The following URB1 variants were observed in gnomAD, a reference collection of about 807,000 sequenced individuals.
The protein encoded by URB1 is URB1 ribosome biogenesis factor.
URB1 carries 197 observed loss-of-function variants against 242.3 expected under a neutral mutation model. The observed-to-expected ratio is 0.81, with a 90% CI of 0.72 to 0.91. The LOEUF (loss-of-function observed/expected upper bound fraction) is 0.91. Among genes scored for constraint, URB1 ranks in the 40% least tolerant of loss-of-function variants. The probability of loss-of-function intolerance (pLI) is 0.00; values close to 1 mark genes in which losing one functional copy is unlikely to be tolerated. For synonymous variants in URB1, 1,153 were observed against 1,201.8 expected (o/e 0.96, Z 0.84); for missense variants, 2,721 against 2,860.5 (o/e 0.95, Z 1.11).
rs2032625418 is a variant in URB1 at position 32,313,413 on chromosome 21, A to G, written c.*1505T>C. Reference sequence around the variant, plus strand: ...GCTTTGTTGGAGCAGCGCTTGCCTGAGTCCAGCTTGGATCTAAACGTGGGA... The same window carrying G: ...GCTTTGTTGGAGCAGCGCTTGCCTGGGTCCAGCTTGGATCTAAACGTGGGA... On this transcript the variant is annotated 3_prime_UTR_variant, in exon 39 of 39. Transcript: ENST00000382751. 6.6e-6 allele frequency: 1 copy of G among 152,270 alleles called. No homozygotes were observed. The highest frequency in any genetic ancestry group is 2.4e-5 in the African/African-American group (1 of 41,456). The allele number at this position is 152,270 out of a possible 1,614,324, so 9.4% of individuals were successfully genotyped here.
chr21:32,361,823 C>T, intron 12 of URB1, 69 bp downstream of exon 12: 1 of 1,515,958 alleles, frequency 6.6e-7, no homozygotes, highest in South Asian at 1.3e-5. Flanking sequence ...TAGGAGCTAT[C>T]CTAGGCTGCC....
rs552823052 is a variant in URB1, at chr21:32,374,096, C to T, written c.751-324G>A. Among the ~76,000 whole-genome samples the T allele has an allele frequency of 1.8e-4, 27 of 152,324 alleles. 2 individuals carry two copies. The highest frequency in any genetic ancestry group is 6.0e-4 in the African/African-American group (25 of 41,572). On this transcript the variant is annotated intron_variant, in intron 6 of 38. Transcript: ENST00000382751. The stretch of plus-strand genomic sequence containing the variant: ...ACTTATGAAGCATAAGCCTTTTCCA[C>T]GTCATTAAACATCCCTTTAGAACAT...
chr21:32,344,454 A>G (rs2033062942), intron 24 of URB1, 116 bp downstream of exon 24: 1 of 1,180,182 alleles, frequency 8.5e-7, no homozygotes, highest in Non-Finnish European at 1.2e-6. Context: ...AGCCCCTCTC[A>G]TTTCCTACAG....
intron 5 of URB1, 63 bp from the exon 6 acceptor site, chr21:32,375,546 G>T: frequency 1.0e-6 from 1 of 982,754 alleles, no homozygotes; most frequent in Non-Finnish European, 1.5e-6. Flanking sequence ...ATAGACGAGA[G>T]AATATTACTG....
rs776436752 is a variant in URB1, at chr21:32,324,578, G to C, written c.5146C>G (p.Arg1716Gly). 78 of 1,551,532 alleles carry C rather than the reference G, an allele frequency of 5.0e-5. No individual in the cohort carries two copies. The highest frequency in any genetic ancestry group is 6.7e-5 in the Non-Finnish European group (77 of 1,146,940). Reference protein sequence around the residue: ...SQLLYLLDVVRNGIRTQDMRL... With the variant: ...SQLLYLLDVVGNGIRTQDMRL... ...ATGTCCTGAGTTCGAATCCCATTCC[G>C]GACTACATCCAACAGGTAAAGTAGC... is the stretch of plus-strand genomic sequence containing the variant. Residue 1716 changes from arginine to glycine, a missense_variant, in exon 32 of 39, where the codon CGG becomes GGG. Arg to Gly is a moderately radical substitution (Grantham distance 125). Transcript: ENST00000382751.
At chr21:32,372,289 CCTAA>C (rs2033414940) in intron 8 of URB1, among the ~76,000 whole-genome samples, 1 of 152,178 alleles carries the variant, frequency 6.6e-6, no homozygotes, top group Non-Finnish European at 1.5e-5. Flanking sequence ...TATCCCATGA[CCTAA>C]CTAAGTGCTA....
chr21:32,328,529 T>C (rs1294432850), intron 30 of URB1, among the ~76,000 whole-genome samples: 2 of 152,228 alleles, frequency 1.3e-5, no homozygotes, highest in African/African-American at 2.4e-5. Context: ...TACAATTATA[T>C]TGTTTTACAA....
chr21:32,317,919 T>C lies in URB1; in HGVS notation c.5793-2A>G. 1 of 1,551,540 alleles carries C rather than the reference T, an allele frequency of 6.4e-7. No homozygotes were observed. The highest frequency in any genetic ancestry group is 8.7e-7 in the Non-Finnish European group (1 of 1,146,954). ...AGCTGGACGGGGGCCAAGGTGGGCC[T>C]GTTTGGGAGTCAATGTTACAGACTG... On this transcript the variant is annotated splice_acceptor_variant, in intron 36 of 38. Coordinates refer to ENST00000382751, the MANE Select transcript of URB1 (RefSeq NM_014825.3). LOFTEE classifies it high-confidence loss of function.
chr21:32,331,716 C>T (rs962667827), intron 30 of URB1, among the ~76,000 whole-genome samples: 11 of 152,218 alleles, frequency 7.2e-5, no homozygotes, highest in Non-Finnish European at 1.5e-4. Context: ...GAGCCAAGAG[C>T]GGCGATACTT....
At chr21:32,349,677 T>C (rs886461789) in intron 20 of URB1, among the ~76,000 whole-genome samples, 194 bp from the exon 21 acceptor site, 3 of 152,242 alleles carry the variant, frequency 2.0e-5, no homozygotes, top group Non-Finnish European at 2.9e-5. Flanking sequence ...TCCTAAGCCT[T>C]GGTGAAACAC....
In URB1 at chr21:32,361,035, G is replaced by A. The variant is rs1210164187; in HGVS notation, c.1728C>T (p.Tyr576=). The A allele has an allele frequency of 6.4e-7, 1 of 1,550,584 alleles. No homozygotes were observed. Reference sequence around the variant, plus strand: ...TCAGGAGCTTGCTGAAGTCAAAGTTGTACTGCATGACCACGTGGGGGACCA... The same window carrying A: ...TCAGGAGCTTGCTGAAGTCAAAGTTATACTGCATGACCACGTGGGGGACCA... ...QKVVPHVVMQ[Y]NFDFSKLLKG... Residue 576 remains tyrosine (Y), a synonymous_variant, in exon 13 of 39, where the codon TAC becomes TAT. Coordinates refer to ENST00000382751, the MANE Select transcript of URB1 (RefSeq NM_014825.3).
intron 1 of URB1, among the ~76,000 whole-genome samples, chr21:32,388,981 G>A (rs2033611870): frequency 6.6e-6 from 1 of 152,174 alleles, no homozygotes; most frequent in Non-Finnish European, 1.5e-5. Context: ...TCTAATGATA[G>A]AGACCAATGT....
rs751349717 is a variant in URB1 at position 32,317,006 on chromosome 21, G to A, written c.6094C>T (p.Arg2032Ter). The change falls in exon 38 of 39, where the codon CGA becomes TGA. Residue 2032 changes from arginine (R) to a stop codon, truncating the protein, a stop_gained. Coordinates refer to ENST00000382751, the MANE Select transcript of URB1 (RefSeq NM_014825.3). LOFTEE classifies it high-confidence loss of function. ...MPARAKGPRG[R>*]KRRPGEAEEM... is the part of the protein sequence containing the mutation. ...TCTGCCTCCCCAGGCCTCCTCTTTC[G>A]GCCCCGTGGGCCTTTGGCTCGGGCT... 13 of 1,550,552 alleles carry A rather than the reference G, an allele frequency of 8.4e-6. No individual in the cohort carries two copies. Among genetic ancestry groups the A allele is most frequent in the Admixed American group, 2.0e-5 (1 of 50,692 alleles).
intron 8 of URB1, among the ~76,000 whole-genome samples, chr21:32,370,556 C>A (rs534518809): frequency 1.3e-5 from 2 of 152,198 alleles, no homozygotes; most frequent in Admixed American, 6.5e-5. Flanking sequence ...GTTACCACCA[C>A]GTCTCTGCGA....
intron 1 of URB1, among the ~76,000 whole-genome samples, chr21:32,392,221 A>C (rs980131667): frequency 3.3e-5 from 5 of 152,246 alleles, no homozygotes; most frequent in African/African-American, 1.2e-4. Context: ...GGGTGGTCAC[A>C]CTTTACAAAA....
At chr21:32,376,662 G>C in intron 5 of URB1, among the ~76,000 whole-genome samples, 1 of 151,924 alleles carries the variant, frequency 6.6e-6, no homozygotes, top group East Asian at 1.9e-4. Context: ...TTTTGAGACA[G>C]GGCCTCCCTC....
Position 32,384,388 on chromosome 21 carries a change from C to G in URB1, c.359G>C (p.Gly120Ala). The change falls in exon 3 of 39, where the codon GGA becomes GCA. Residue 120 changes from glycine (G) to alanine (A), a missense_variant. Transcript: ENST00000382751. ...ASDLSHFHVVGTNIVKKLMNN... is the reference protein window; with the variant it reads ...ASDLSHFHVVATNIVKKLMNN... ...CATCAGCTTTTTCACAATGTTGGTT[C>G]CCACAACATGGAAATGTGAAAGATC... 1 of 1,552,238 alleles carries G rather than the reference C, an allele frequency of 6.4e-7. No individual in the cohort carries two copies. The highest frequency in any genetic ancestry group is 8.7e-7 in the Non-Finnish European group (1 of 1,147,092).
chr21:32,350,862 C>T lies in URB1; in HGVS notation c.2674G>A (p.Ala892Thr). ...CTCTCGTAGGCTGCCTGCAGCAGGG[C>T]TGTGAAGGACGAGGCCAAGGGAAGG... ...PALPLASSFT[A>T]LLQAAYESQA... The change falls in exon 20 of 39, where the codon GCC becomes ACC. Residue 892 changes from alanine to threonine, a missense_variant. Transcript: ENST00000382751. The T allele has an allele frequency of 6.4e-7, 1 of 1,550,760 alleles. No homozygotes were observed. Among genetic ancestry groups the T allele is most frequent in the Non-Finnish European group, 8.7e-7 (1 of 1,146,996 alleles).
chr21:32,349,141 C>A (rs1463047901), intron 21 of URB1, among the ~76,000 whole-genome samples, 163 bp downstream of exon 21: 1 of 152,260 alleles, frequency 6.6e-6, no homozygotes, highest in Non-Finnish European at 1.5e-5. Context: ...CCAAATTAAA[C>A]CGCATGCTGG....
Sources: allele counts gnomAD v4.1 joint callset (sites outside exome capture counted in the v4.1 genomes callset), GRCh38; gene constraint gnomAD v4.1.1; transcripts MANE v1.5; gene names NCBI Gene and HGNC (gene_info 2026-07-23, HGNC 2026-07-21).